The following CACTIN variants were observed in gnomAD, a reference collection of about 807,000 sequenced individuals.
CACTIN encodes splicing factor Cactin.
CACTIN carries 20 observed loss-of-function variants against 84.9 expected under a neutral mutation model. The ratio of observed to expected loss-of-function variants is 0.24; its 90% confidence interval spans 0.17 to 0.34. CACTIN has a LOEUF of 0.34. Among genes scored for constraint, CACTIN ranks in the 10% least tolerant of loss-of-function variants. The pLI, the probability that CACTIN is intolerant of heterozygous loss-of-function variation, is 1.00. For synonymous variants in CACTIN, 549 were observed against 467.9 expected, an observed-to-expected ratio of 1.17 and a Z score of -2.24; for missense variants, 897 against 1,117.2, an observed-to-expected ratio of 0.80 and a Z score of 2.81.
Position 3,613,185 on chromosome 19 carries a change from G to A in CACTIN, c.1659C>T (p.Asp553=). Residue 553 remains aspartate (D), a synonymous_variant, in exon 9 of 10, where the codon GAC becomes GAT. Transcript: ENST00000429344. ...GCGGGCTGTACCTGCCGGCGTCGTA[G>A]TCGTCCAGGCTCTGCTGGATCAGGT... is the stretch of plus-strand genomic sequence containing the variant. ...EEDLIQQSLD[D]YDAGRYSPRL... is the part of the protein sequence containing the mutation. 1 of 1,611,496 alleles carries A rather than the reference G, an allele frequency of 6.2e-7. No homozygotes were observed. Among genetic ancestry groups the A allele is most frequent in the Non-Finnish European group, 8.5e-7 (1 of 1,179,378 alleles).
chr19:3,614,286 C>T (rs2145316718), intron 7 of CACTIN, 111 bp downstream of exon 7: 6 of 1,128,520 alleles, frequency 5.3e-6, no homozygotes, highest in Admixed American at 2.0e-5. Flanking sequence ...CCCCTCTCCA[C>T]CCCACATGGT....
intron 7 of CACTIN, chr19:3,613,950 T>G: frequency 2.4e-6 from 1 of 414,070 alleles, no homozygotes; most frequent in Non-Finnish European, 4.4e-6. Flanking sequence ...GACATGTATT[T>G]ACACAGCGGT....
chr19:3,626,772 C>T lies in CACTIN; in HGVS notation c.-10G>A, dbSNP rs767378726. On this transcript the variant is annotated 5_prime_UTR_variant, in exon 1 of 10. Coordinates refer to ENST00000429344, the MANE Select transcript of CACTIN (RefSeq NM_001080543.2). ...GTGTGTCCCGACCCATCGGCTGGGC[C>T]AGTGGCCGCGGCACCAACACCAATA... 1.2e-5 allele frequency: 16 copies of T among 1,380,808 alleles called. No individual in the cohort carries two copies. The highest frequency in any genetic ancestry group is 1.5e-5 in the Non-Finnish European group (16 of 1,065,754). 85.5% of individuals were successfully genotyped at this position (1,380,808 alleles called of 1,614,324 possible).
At chr19:3,617,470 G>A (rs1050361852) in intron 6 of CACTIN, among the ~76,000 whole-genome samples, 3 of 152,192 alleles carry the variant, frequency 2.0e-5, no homozygotes, top group Non-Finnish European at 2.9e-5. Context: ...CAACTGTAAC[G>A]CGTGAGGGGA....
rs1223782900 is a variant in CACTIN at position 3,611,769 on chromosome 19, G to A, written c.*154C>T. 5.1e-6 allele frequency: 5 copies of A among 979,826 alleles called. No homozygotes were observed. The highest frequency in any genetic ancestry group is 1.6e-5 in the African/African-American group (1 of 62,570). The allele number at this position is 979,826 out of a possible 1,614,324, so 60.7% of individuals were successfully genotyped here. A position where few individuals can be genotyped will look rare whatever the true frequency, so the allele number is the denominator to read the frequency against. On this transcript the variant is annotated 3_prime_UTR_variant, in exon 10 of 10. Coordinates refer to ENST00000429344, the MANE Select transcript of CACTIN (RefSeq NM_001080543.2). ...TGGTGACCCCCCTTTTATATAGGAG[G>A]AAACTGAGGCCTGGCGAAAGAAAGA...
Position 3,626,740 on chromosome 19 carries a change from C to A in CACTIN, c.23G>T (p.Arg8Leu), listed in dbSNP as rs2033347374. The change falls in exon 1 of 10, where the codon CGC (arginine) becomes CTC (leucine). Residue 8 changes from arginine to leucine, a missense_variant. Arg to Leu is a moderately radical substitution (Grantham distance 102). Around this residue, in one of 8 missense-constraint regions of CACTIN, gnomAD observed 261 missense variants for 243.8 expected, o/e 1.07. Transcript: ENST00000429344. The part of the protein sequence containing the change: MGRDTRS[R>L]SRSAGRRGRR... ...GCCCCGGCGACCCGCGGACCGCGAG[C>A]GCGAGCGTGTGTCCCGACCCATCGG... is the stretch of plus-strand genomic sequence containing the variant. 6.7e-7 allele frequency: 1 copy of A among 1,488,958 alleles called. No individual in the cohort carries two copies. Among genetic ancestry groups the A allele is most frequent in the Non-Finnish European group, 8.9e-7 (1 of 1,125,928 alleles). 92.2% of individuals were successfully genotyped at this position (1,488,958 alleles called of 1,614,324 possible).
At chr19:3,621,163 G>A (rs186888116) in intron 2 of CACTIN, 38 of 396,226 alleles carry the variant, frequency 9.6e-5, no homozygotes, top group Non-Finnish European at 1.6e-4. Context: ...GCTTTACCCG[G>A]GAGTCTGAGT....
At chr19:3,613,441 C>A in intron 8 of CACTIN, 23 bp downstream of exon 8, 2 of 1,559,918 alleles carry the variant, frequency 1.3e-6, no homozygotes, top group African/African-American at 1.4e-5. Context: ...CATCGGCGTC[C>A]CCGGGGTGCC....
chr19:3,619,037 G>A, intron 5 of CACTIN, 43 bp downstream of exon 5: 1 of 1,549,654 alleles, frequency 6.5e-7, no homozygotes, highest in Non-Finnish European at 8.7e-7. Context: ...CTGGGGTGGG[G>A]GTGAGGGTGC....
chr19:3,625,796 G>A (rs915043061), intron 1 of CACTIN, among the ~76,000 whole-genome samples: 5 of 152,224 alleles, frequency 3.3e-5, no homozygotes, highest in Non-Finnish European at 7.4e-5. Context: ...AGACTGGCCT[G>A]AGTGTCAGCC....
Position 3,613,351 on chromosome 19 carries a change from T to C in CACTIN, c.1493A>G (p.Asp498Gly). 1 of 1,510,464 alleles carries C rather than the reference T, an allele frequency of 6.6e-7. No homozygotes were observed. The highest frequency in any genetic ancestry group is 8.8e-7 in the Non-Finnish European group (1 of 1,135,326). The allele number at this position is 1,510,464 out of a possible 1,614,324, so 93.6% of individuals were successfully genotyped here. Reference sequence around the variant, plus strand: ...GGGCCCGGGCGGGGTGGGCGCCGCGTCCTCAGGCTCCAGGCTGGGAGGAGA... The same window carrying C: ...GGGCCCGGGCGGGGTGGGCGCCGCGCCCTCAGGCTCCAGGCTGGGAGGAGA... The part of the protein sequence containing the change: ...QSPSRSLEPE[D>G]AAPTPPGPSS... The change falls in exon 9 of 10, where the codon GAC (aspartate) becomes GGC (glycine). Residue 498 changes from aspartate (D) to glycine (G), a missense_variant. Physicochemically the swap from Asp to Gly is moderately conservative, Grantham distance 94 (BLOSUM62 -1). This residue lies in a region of CACTIN where 243 missense variants were observed against 239.9 expected (regional missense o/e 1.01). Coordinates refer to ENST00000429344, the MANE Select transcript of CACTIN (RefSeq NM_001080543.2).
Position 3,614,404 on chromosome 19 carries a change from G to A in CACTIN, c.1348C>T (p.Arg450Trp), listed in dbSNP as rs746865447. 9 of 1,574,662 alleles carry A rather than the reference G, an allele frequency of 5.7e-6. No individual in the cohort carries two copies. The highest frequency in any genetic ancestry group is 1.2e-5 in the South Asian group (1 of 86,202). ...LLQQLRAHMA[R>W]ARLRERHQDV... is the part of the protein sequence containing the mutation. ...CCCGCACCTAGTGCTCACCGGGCCC[G>A]TGCCATGTGGGCACGAAGCTGCTGC... is the stretch of plus-strand genomic sequence containing the variant. Residue 450 changes from arginine (R) to tryptophan (W), a missense_variant, in exon 7 of 10, where the codon CGG (arginine) becomes TGG (tryptophan). Physicochemically the swap from Arg to Trp is moderately radical, Grantham distance 101 (BLOSUM62 -3). This residue lies in a region of CACTIN where 304 missense variants were observed against 444.3 expected (regional missense o/e 0.68). Coordinates refer to ENST00000429344, the MANE Select transcript of CACTIN (RefSeq NM_001080543.2).
At chr19:3,613,423 C>T in intron 8 of CACTIN, 41 bp downstream of exon 8, 1 of 1,547,274 alleles carries the variant, frequency 6.5e-7, no homozygotes, top group South Asian at 1.2e-5. Flanking sequence ...CATCCTGCTC[C>T]GCGTCTGCAT....
intron 6 of CACTIN, among the ~76,000 whole-genome samples, chr19:3,618,161 T>G (rs1266377905): frequency 1.9e-5 from 2 of 105,130 alleles, no homozygotes; most frequent in Admixed American, 1.1e-4. Flanking sequence ...AGGGCTGCTG[T>G]GGTTGGCTTT....
chr19:3,619,971 A>G (rs73920179), intron 4 of CACTIN, among the ~76,000 whole-genome samples, 156 bp downstream of exon 4: 5,660 of 152,168 alleles, frequency 0.037, 215 homozygotes, highest in African/African-American at 0.099. Context: ...CAGGAGACAG[A>G]AGCCTTGCCG....
chr19:3,618,813 T>G, intron 6 of CACTIN, 62 bp downstream of exon 6: 1 of 1,323,334 alleles, frequency 7.6e-7, no homozygotes, highest in Non-Finnish European at 1.0e-6. Flanking sequence ...AGTCTGAGGC[T>G]TCTGGGTGAA....
At position 3,610,775 on chromosome 19, in the gene CACTIN, G is replaced by A. The variant is rs1369230411; in HGVS notation, c.*1148C>T. On this transcript the variant is annotated 3_prime_UTR_variant, in exon 10 of 10. Coordinates refer to ENST00000429344, the MANE Select transcript of CACTIN (RefSeq NM_001080543.2). Reference sequence around the variant, plus strand: ...AACAAACGGAACTATTTCCAGATGAGGCGGGGTGTCTGGGAGGGGCTGTGG... The same window carrying A: ...AACAAACGGAACTATTTCCAGATGAAGCGGGGTGTCTGGGAGGGGCTGTGG... The A allele has an allele frequency of 6.6e-6, 3 of 456,948 alleles. No individual in the cohort carries two copies. Among genetic ancestry groups the A allele is most frequent in the African/African-American group, 2.0e-5 (1 of 50,092 alleles). The allele number at this position is 456,948 out of a possible 1,614,324, so 28.3% of individuals were successfully genotyped here. A position where few individuals can be genotyped will look rare whatever the true frequency, so the allele number is the denominator to read the frequency against.
chr19:3,611,521 C>T lies in CACTIN; in HGVS notation c.*402G>A, dbSNP rs1305036555. 1 of 365,232 alleles carries T rather than the reference C, an allele frequency of 2.7e-6. No homozygotes were observed. Among genetic ancestry groups the T allele is most frequent in the Admixed American group, 4.0e-5 (1 of 25,264 alleles). The allele number at this position is 365,232 out of a possible 1,614,324, so 22.6% of individuals were successfully genotyped here. On this transcript the variant is annotated 3_prime_UTR_variant, in exon 10 of 10. Coordinates refer to ENST00000429344, the MANE Select transcript of CACTIN (RefSeq NM_001080543.2). ...ACCGCCAAGCCCAGGCCCCTCTGGC[C>T]CATCTCCACAACACCCTGTGTGGCC... is the stretch of plus-strand genomic sequence containing the variant.
intron 1 of CACTIN, 52 bp from the exon 2 acceptor site, chr19:3,624,214 C>T (rs1036032367): frequency 7.0e-7 from 1 of 1,433,312 alleles, no homozygotes; most frequent in African/African-American, 1.4e-5. Flanking sequence ...GTCATCTGCT[C>T]CACAGATGCT....
Sources: gnomAD v4.1 joint callset for allele counts (sites outside exome capture counted in the v4.1 genomes callset) on GRCh38, gnomAD v4.1.1 for gene constraint, gnomAD v4.1.1 regional missense constraint, MANE v1.5 for transcripts, NCBI Gene and HGNC (gene_info 2026-07-23, HGNC 2026-07-21) for gene names.